DPYSL4: variants seen among roughly 807,000 people sequenced by gnomAD.
DPYSL4 encodes the protein dihydropyrimidinase like 4.
A neutral mutation model predicts 63.4 loss-of-function variants in DPYSL4; 43 were observed. The observed-to-expected ratio is 0.68, with a 90% CI of 0.53 to 0.88. The LOEUF (loss-of-function observed/expected upper bound fraction) is 0.88. Among genes scored for constraint, DPYSL4 ranks in the 40% least tolerant of loss-of-function variants. The pLI is 0.00. For synonymous variants in DPYSL4, 353 were observed against 331.7 expected (o/e 1.06, Z -0.70); for missense variants, 733 against 819.5 (o/e 0.89, Z 1.29).
At position 132,197,017 on chromosome 10, in the gene DPYSL4, C is replaced by G; in HGVS notation, c.541-4C>G. 1 of 1,609,762 alleles carries G rather than the reference C, an allele frequency of 6.2e-7. No individual in the cohort carries two copies. The highest frequency in any genetic ancestry group is 8.5e-7 in the Non-Finnish European group (1 of 1,177,708). ...ACCCAGGACGCCACCACTTCTCTTC[C>G]CAGATGTACGAGATCTTCAGCATCA... is the stretch of plus-strand genomic sequence containing the variant. On this transcript the variant is annotated splice_region_variant and splice_polypyrimidine_tract_variant and intron_variant, in intron 5 of 13. Transcript: ENST00000338492.
Position 132,186,994 on chromosome 10 carries a change from T to TCCGCCCCCCCCCCCCCCCCCCCCCCC in DPYSL4, c.-68_-67insGCCCCCCCCCCCCCCCCCCCCCCCCC. ...CCACGCACGCGTCCCGGCTCACGCG[T>TCCGCCCCCCCCCCCCCCCCCCCCCCC]CCCCCCGCCCGCCCGCCCGCCCGCC... On this transcript the variant is annotated 5_prime_UTR_variant, in exon 1 of 14. Coordinates refer to ENST00000338492, the MANE Select transcript of DPYSL4 (RefSeq NM_006426.3). 1 of 217,372 alleles carries TCCGCCCCCCCCCCCCCCCCCCCCCCC rather than the reference T, an allele frequency of 4.6e-6. No individual in the cohort carries two copies. The allele number at this position is 217,372 out of a possible 1,614,324, so 13.5% of individuals were successfully genotyped here.
chr10:132,188,424 C>T (rs1435333755), intron 1 of DPYSL4, among the ~76,000 whole-genome samples: 1 of 152,156 alleles, frequency 6.6e-6, no homozygotes, highest in African/African-American at 2.4e-5. Flanking sequence ...CTTGAAAATG[C>T]GTGGGTCCCC....
chr10:132,201,023 G>A (rs767428332), intron 10 of DPYSL4, 40 bp downstream of exon 10: 31 of 1,603,050 alleles, frequency 1.9e-5, no homozygotes, highest in South Asian at 5.6e-5. Context: ...TCTGGGGAGC[G>A]GCTGTGGGCG....
In DPYSL4 at chr10:132,203,828, G is replaced by A. The variant is rs756499880; in HGVS notation, c.1528G>A (p.Ala510Thr). The A allele has an allele frequency of 4.3e-6, 7 of 1,612,776 alleles. No individual in the cohort carries two copies. The highest frequency in any genetic ancestry group is 2.2e-5 in the South Asian group (2 of 91,064). Residue 510 changes from alanine (A) to threonine (T), a missense_variant, in exon 13 of 14, where the codon GCC becomes ACC. Physicochemically the swap from Ala to Thr is moderately conservative, Grantham distance 58. Transcript: ENST00000338492. ...GCCCGTCCACGAGGTGATGGTGCCT[G>A]CCAAGCCAGGGAGTGGCGCTCCGGC... ...DGPVHEVMVP[A>T]KPGSGAPARA...
At chr10:132,196,746 G>C in intron 4 of DPYSL4, 115 bp from the exon 5 acceptor site, 1 of 1,182,066 alleles carries the variant, frequency 8.5e-7, no homozygotes, top group East Asian at 2.3e-5. Context: ...AGTGAGGGAA[G>C]CACTGCGGGG....
intron 13 of DPYSL4, among the ~76,000 whole-genome samples, 169 bp downstream of exon 13, chr10:132,204,096 C>G (rs1023651163): frequency 6.6e-6 from 1 of 151,988 alleles, no homozygotes; most frequent in African/African-American, 2.4e-5. Context: ...AAGGGCTGAG[C>G]CCAGTTAGGG....
chr10:132,201,063 C>A, intron 10 of DPYSL4, 80 bp downstream of exon 10: 2 of 1,550,824 alleles, frequency 1.3e-6, no homozygotes, highest in Non-Finnish European at 1.7e-6. Context: ...GAAGGGAGCC[C>A]ATCTAACCAG....
chr10:132,187,595 C>A (rs1590085610), intron 1 of DPYSL4, among the ~76,000 whole-genome samples: 1 of 152,210 alleles, frequency 6.6e-6, no homozygotes, highest in Non-Finnish European at 1.5e-5. Flanking sequence ...GCCCCTTGGA[C>A]GCACTGGCGC....
In DPYSL4 at chr10:132,202,251, C is replaced by G. The variant is rs558568913; in HGVS notation, c.1281+135C>G. Reference sequence around the variant, plus strand: ...CTCAGCCATCCCAGGGCCGTCCACACAGCCTGTCCCAGGCCAGACACTGAA... The same window carrying G: ...CTCAGCCATCCCAGGGCCGTCCACAGAGCCTGTCCCAGGCCAGACACTGAA... On this transcript the variant is annotated intron_variant, in intron 11 of 13. Coordinates refer to ENST00000338492, the MANE Select transcript of DPYSL4 (RefSeq NM_006426.3). 77 of 1,150,158 alleles carry G rather than the reference C, an allele frequency of 6.7e-5. No individual in the cohort carries two copies. The South Asian group carries it at 1.2e-3, about 18-fold the overall frequency. 71.2% of individuals were successfully genotyped at this position (1,150,158 alleles called of 1,614,324 possible).
chr10:132,202,849 T>G (rs747418510), intron 12 of DPYSL4, 24 bp downstream of exon 12: 21 of 1,564,224 alleles, frequency 1.3e-5, no homozygotes, highest in Admixed American at 1.8e-5. Flanking sequence ...CGCAAGGGTG[T>G]TGTGCAGGTA....
chr10:132,197,239 G>C, intron 6 of DPYSL4, 138 bp downstream of exon 6: 1 of 772,674 alleles, frequency 1.3e-6, no homozygotes, highest in South Asian at 2.1e-5. Flanking sequence ...AAACCTTGAG[G>C]GAGGGTCATA....
chr10:132,198,898 A>C lies in DPYSL4; in HGVS notation c.738A>C (p.Ala246=). The change falls in exon 8 of 14, where the codon GCA becomes GCC. Residue 246 remains alanine, a synonymous_variant. Transcript: ENST00000338492. The stretch of plus-strand genomic sequence containing the variant: ...GAGCTGTCACCATCGCCAAGCAGGC[A>C]AACTGCCCGCTGTACGTCACCAAGG... ...VYRAVTIAKQ[A]NCPLYVTKVM... 1 of 1,612,990 alleles carries C rather than the reference A, an allele frequency of 6.2e-7. No homozygotes were observed. The highest frequency in any genetic ancestry group is 1.1e-5 in the South Asian group (1 of 91,088).
intron 8 of DPYSL4, among the ~76,000 whole-genome samples, chr10:132,200,059 C>T (rs1055680496): frequency 2.0e-5 from 3 of 152,182 alleles, no homozygotes; most frequent in Non-Finnish European, 4.4e-5. Context: ...AGCCCACAGG[C>T]ACGCCCTGGC....
At chr10:132,200,235 G>A in intron 8 of DPYSL4, 121 bp from the exon 9 acceptor site, 2 of 1,304,846 alleles carry the variant, frequency 1.5e-6, no homozygotes, top group Middle Eastern at 2.3e-4. Flanking sequence ...TCTAGACTGG[G>A]CACAAGCTGT....
At position 132,187,035 on chromosome 10, in the gene DPYSL4, C is replaced by T. The variant is rs1238307119; in HGVS notation, c.-29C>T. 3.4e-6 allele frequency: 4 copies of T among 1,172,256 alleles called. No homozygotes were observed. Among genetic ancestry groups the T allele is most frequent in the African/African-American group, 1.7e-5 (1 of 58,666 alleles). 72.6% of individuals were successfully genotyped at this position (1,172,256 alleles called of 1,614,324 possible). On this transcript the variant is annotated 5_prime_UTR_variant, in exon 1 of 14. Transcript: ENST00000338492. ...CCCGCCCGCCCGCCCCCGCTTGTGC[C>T]GCCCCTACCAGAGACCCCCAGGAGC...
In DPYSL4 at chr10:132,203,788, T is replaced by C; in HGVS notation, c.1488T>C (p.Arg496=). The change falls in exon 13 of 14, where the codon CGT becomes CGC. Residue 496 remains arginine, a synonymous_variant. Coordinates refer to ENST00000338492, the MANE Select transcript of DPYSL4 (RefSeq NM_006426.3). ...NRLAEIHGVP[R]GLYDGPVHEV... ...TGGCGGAGATCCACGGTGTGCCCCG[T>C]GGACTGTATGACGGGCCCGTCCACG... The C allele has an allele frequency of 6.2e-7, 1 of 1,610,876 alleles. No homozygotes were observed. Among genetic ancestry groups the C allele is most frequent in the Non-Finnish European group, 8.5e-7 (1 of 1,178,632 alleles).
At chr10:132,192,311 G>C in intron 2 of DPYSL4, 1 of 1,002,078 alleles carries the variant, frequency 1.0e-6, no homozygotes, top group Non-Finnish European at 1.2e-6. Flanking sequence ...GCTCATAGCA[G>C]GTGCTTCCTA....
At chr10:132,192,909 T>G (rs1590091818) in intron 3 of DPYSL4, 67 bp downstream of exon 3, 1 of 1,477,902 alleles carries the variant, frequency 6.8e-7, no homozygotes, top group Non-Finnish European at 9.1e-7. Flanking sequence ...TCTGGCCAGG[T>G]GTGTGTGGGA....
chr10:132,189,751 C>G (rs1003409719), intron 1 of DPYSL4, among the ~76,000 whole-genome samples: 3 of 152,282 alleles, frequency 2.0e-5, no homozygotes, highest in Admixed American at 6.5e-5. Flanking sequence ...CAGCAATGAT[C>G]CGGCTCCCAC....
Sources: gnomAD v4.1 joint callset for allele counts (sites outside exome capture counted in the v4.1 genomes callset) on GRCh38, gnomAD v4.1.1 for gene constraint, MANE v1.5 for transcripts, NCBI Gene and HGNC (gene_info 2026-07-23, HGNC 2026-07-21) for gene names.